The following CCDC178 variants were observed in gnomAD, a reference collection of about 807,000 sequenced individuals.
The protein encoded by CCDC178 is coiled-coil domain-containing protein 178.
Under a neutral mutation model 117.4 loss-of-function variants are expected in CCDC178, and 126 were observed. The ratio of observed to expected loss-of-function variants is 1.07; its 90% CI spans 0.93 to 1.24. The LOEUF (loss-of-function observed/expected upper bound fraction) is 1.24, where lower values mean the gene tolerates loss of function less well. Among genes scored for constraint, CCDC178 ranks in the 50% most tolerant of loss-of-function variants. The pLI is 0.00. For synonymous variants in CCDC178, 283 were observed against 313.4 expected, an observed-to-expected ratio of 0.90 and a Z score of 1.02; for missense variants, 1,030 against 986.9, an observed-to-expected ratio of 1.04 and a Z score of -0.59.
At chr18:33,386,845 T>C (rs769773396) in intron 5 of CCDC178, among the ~76,000 whole-genome samples, 23 of 152,042 alleles carry the variant, frequency 1.5e-4, no homozygotes, top group Non-Finnish European at 2.9e-4. Flanking sequence ...TTATTCAACA[T>C]AGTGTTGGAA....
intron 2 of CCDC178, among the ~76,000 whole-genome samples, chr18:33,422,840 C>T (rs1015931198): frequency 3.3e-5 from 5 of 152,204 alleles, no homozygotes; most frequent in African/African-American, 1.2e-4. Flanking sequence ...GTTCACTTTG[C>T]TCTCTGTCTA....
intron 15 of CCDC178, among the ~76,000 whole-genome samples, chr18:33,237,364 C>G (rs1488095183): frequency 6.6e-6 from 1 of 152,146 alleles, no homozygotes; most frequent in Non-Finnish European, 1.5e-5. Flanking sequence ...TAGTGCATGT[C>G]CACCCCTGAG....
chr18:33,163,957 A>G lies in CCDC178; in HGVS notation c.2238+47939T>C, dbSNP rs562571957. On this transcript the variant is annotated intron_variant, in intron 20 of 22. Transcript: ENST00000383096. ...TTATATCAGAACATGTATAACTGCA[A>G]TTCAATCCATGGCTGATATTTGCCA... 9.8e-5 allele frequency among the ~76,000 whole-genome samples: 15 copies of G among 152,310 alleles called. 1 individual carries two copies. In the South Asian group the frequency reaches 3.1e-3, roughly 32 times the overall value.
At chr18:33,222,970 G>A (rs529676599) in intron 18 of CCDC178, 136 bp downstream of exon 18, 26 of 609,996 alleles carry the variant, frequency 4.3e-5, no homozygotes, top group Admixed American at 6.4e-5. Context: ...GAGTGTGTGC[G>A]CTTTTATCCC....
chr18:33,121,486 A>G (rs1233437732), intron 20 of CCDC178, among the ~76,000 whole-genome samples: 1 of 152,182 alleles, frequency 6.6e-6, no homozygotes, highest in East Asian at 1.9e-4. Flanking sequence ...AGAAATCAAC[A>G]TAGACACAGA....
Position 33,403,489 on chromosome 18 carries a change from CA to C in CCDC178, c.59-6282del, listed in dbSNP as rs34702028. Among the ~76,000 whole-genome samples, 1,131 of 115,652 alleles carry C rather than the reference CA, an allele frequency of 9.8e-3. 2 individuals are homozygous for C. Among genetic ancestry groups the C allele is most frequent in the Non-Finnish European group, 0.013 (692 of 52,630 alleles). 75.9% of individuals were successfully genotyped at this position (115,652 alleles called of 152,430 possible). ...GTTTTCAACAAAAATGTATGACATC[CA>C]AAAAAAAAAAAAACCGGACAAATGG... On this transcript the variant is annotated intron_variant, in intron 3 of 22. Transcript: ENST00000383096.
chr18:33,112,053 T>G (rs536186992), intron 20 of CCDC178, among the ~76,000 whole-genome samples: 36 of 151,938 alleles, frequency 2.4e-4, no homozygotes, highest in Middle Eastern at 3.4e-3. Flanking sequence ...TTTAATAAAC[T>G]GTTGTAATGA....
chr18:33,187,091 G>GAC (rs2058803769), intron 20 of CCDC178, among the ~76,000 whole-genome samples: 1 of 60,834 alleles, frequency 1.6e-5, no homozygotes, highest in African/African-American at 3.1e-5. Context: ...CGGCAGGAGA[G>GAC]AGAGAGAGAG....
At chr18:33,057,740 C>T (rs1322049405) in intron 21 of CCDC178, among the ~76,000 whole-genome samples, 2 of 152,058 alleles carry the variant, frequency 1.3e-5, no homozygotes, top group Admixed American at 6.5e-5. Context: ...GTGATTTGCC[C>T]ACCTCGGCCT....
intron 11 of CCDC178, among the ~76,000 whole-genome samples, chr18:33,295,862 A>C (rs2062100351): frequency 6.6e-6 from 1 of 152,138 alleles, no homozygotes; most frequent in Admixed American, 6.6e-5. Flanking sequence ...GTTCTGGAAG[A>C]CCAGTTTGGC....
At chr18:33,285,459 T>C (rs963198483) in intron 12 of CCDC178, among the ~76,000 whole-genome samples, 4 of 152,192 alleles carry the variant, frequency 2.6e-5, no homozygotes, top group South Asian at 2.1e-4. Context: ...AAGAAAAGTT[T>C]CAAAATTCAT....
chr18:33,266,925 G>A lies in CCDC178; in HGVS notation c.1400C>T (p.Thr467Ile). The A allele has an allele frequency of 6.4e-7, 1 of 1,571,986 alleles. No individual in the cohort carries two copies. Among genetic ancestry groups the A allele is most frequent in the Non-Finnish European group, 8.6e-7 (1 of 1,161,698 alleles). Residue 467 changes from threonine (T) to isoleucine (I), a missense_variant, in exon 14 of 23, where the codon ACC becomes ATC. Physicochemically the swap from Thr to Ile is moderately conservative, Grantham distance 89 (BLOSUM62 -1). Transcript: ENST00000383096. ...GTATTTGCAAATTTACCTTTCATTG[G>A]TTTTTACTGTTATTTTGTTAATATC... is the stretch of plus-strand genomic sequence containing the variant. The part of the protein sequence containing the change: ...EIDINKITVK[T>I]NESIRKKSKY...
chr18:33,200,036 T>C (rs2058975115), intron 20 of CCDC178, among the ~76,000 whole-genome samples: 1 of 152,132 alleles, frequency 6.6e-6, no homozygotes, highest in Admixed American at 6.5e-5. Context: ...TCTGTCTACA[T>C]TAACTCAAAA....
At chr18:32,967,920 G>A (rs536441844) in intron 22 of CCDC178, among the ~76,000 whole-genome samples, 1 of 149,268 alleles carries the variant, frequency 6.7e-6, no homozygotes, top group South Asian at 2.1e-4. Context: ...GGTACAATTT[G>A]ACATTTCAAT....
chr18:33,424,822 T>G (rs1016923220), intron 2 of CCDC178, among the ~76,000 whole-genome samples: 1 of 152,158 alleles, frequency 6.6e-6, no homozygotes, highest in East Asian at 1.9e-4. Flanking sequence ...CAGCTGCTGA[T>G]GAGAGAGCTG....
intron 22 of CCDC178, among the ~76,000 whole-genome samples, chr18:32,965,027 T>C (rs1279409162): frequency 6.6e-6 from 1 of 151,954 alleles, no homozygotes. Context: ...GATTTTTGTC[T>C]GTTTTGCTTG....
intron 21 of CCDC178, among the ~76,000 whole-genome samples, chr18:33,091,525 C>T (rs778343861): frequency 6.6e-6 from 1 of 151,410 alleles, no homozygotes; most frequent in African/African-American, 2.4e-5. Context: ...TTAGTGGAGG[C>T]AGGGTTTCAC....
At chr18:32,948,340 T>A (rs1417528204) in intron 22 of CCDC178, among the ~76,000 whole-genome samples, 2 of 152,094 alleles carry the variant, frequency 1.3e-5, no homozygotes, top group Non-Finnish European at 2.9e-5. Flanking sequence ...ATGAGGTACA[T>A]CTTGATTTAT....
At chr18:33,314,354 G>A (rs188227520) in intron 11 of CCDC178, among the ~76,000 whole-genome samples, 130 of 151,696 alleles carry the variant, frequency 8.6e-4, no homozygotes, top group African/African-American at 3.0e-3. Flanking sequence ...CCTACATACC[G>A]CCTGGAGCCC....
Sources: gnomAD v4.1 joint callset for allele counts (sites outside exome capture counted in the v4.1 genomes callset) on GRCh38, gnomAD v4.1.1 for gene constraint, MANE v1.5 for transcripts, NCBI Gene and HGNC (gene_info 2026-07-23, HGNC 2026-07-21) for gene names.